The following GOLGA4 variants were observed in gnomAD, a reference collection of about 807,000 sequenced individuals.
The protein encoded by GOLGA4 is golgin A4.
GOLGA4 carries 169 observed loss-of-function variants against 265.9 expected under a neutral mutation model. The ratio of observed to expected loss-of-function variants is 0.64; its 90% CI spans 0.56 to 0.72. The LOEUF is 0.72. Among genes scored for constraint, GOLGA4 ranks in the 30% least tolerant of loss-of-function variants. GOLGA4 has a pLI of 0.00. For missense variants in GOLGA4, 2,482 were observed against 2,483.4 expected (o/e 1.00, Z 0.01); for synonymous variants, 923 against 855.8 (o/e 1.08, Z -1.37).
At chr3:37,360,088 A>G (rs1449861166) in intron 22 of GOLGA4, among the ~76,000 whole-genome samples, 1 of 152,146 alleles carries the variant, frequency 6.6e-6, no homozygotes, top group Non-Finnish European at 1.5e-5. Flanking sequence ...GAATATCTCC[A>G]TGTTTTCTAA....
At chr3:37,290,083 A>G (rs1037035290) in intron 5 of GOLGA4, among the ~76,000 whole-genome samples, 1 of 152,236 alleles carries the variant, frequency 6.6e-6, no homozygotes, top group African/African-American at 2.4e-5. Context: ...TGTTTTAGGT[A>G]TTCTAACTGT....
At chr3:37,310,777 T>G (rs2096921049) in intron 10 of GOLGA4, among the ~76,000 whole-genome samples, 1 of 152,052 alleles carries the variant, frequency 6.6e-6, no homozygotes, top group African/African-American at 2.4e-5. Flanking sequence ...ACATTGAATT[T>G]TGCTTTGGAA....
chr3:37,276,639 G>C, intron 2 of GOLGA4: 1 of 1,517,012 alleles, frequency 6.6e-7, no homozygotes, highest in East Asian at 2.3e-5. Context: ...TTAAGAAAAC[G>C]GATTTTGTAA....
intron 17 of GOLGA4, among the ~76,000 whole-genome samples, chr3:37,335,801 A>G (rs954780894): frequency 6.7e-6 from 1 of 148,628 alleles, no homozygotes; most frequent in East Asian, 2.0e-4. Flanking sequence ...AATTGACACT[A>G]TGAAAGGTAG....
chr3:37,313,061 G>T (rs1247409236), intron 10 of GOLGA4, among the ~76,000 whole-genome samples: 2 of 152,052 alleles, frequency 1.3e-5, no homozygotes, highest in East Asian at 3.9e-4. Flanking sequence ...AAATTAGCCC[G>T]GTCTGGTGGC....
chr3:37,354,262 T>TC (rs1250156606), intron 21 of GOLGA4, among the ~76,000 whole-genome samples: 1 of 151,972 alleles, frequency 6.6e-6, no homozygotes, highest in Non-Finnish European at 1.5e-5. Flanking sequence ...AATGTTAGAG[T>TC]CAGTTTTCTG....
At chr3:37,329,247 A>G in intron 16 of GOLGA4, 154 bp downstream of exon 16, 1 of 525,370 alleles carries the variant, frequency 1.9e-6, no homozygotes. Flanking sequence ...TTATATGCAG[A>G]TTTATAAAGT....
At chr3:37,348,403 C>CT (rs540088481) in intron 21 of GOLGA4, among the ~76,000 whole-genome samples, 31 of 151,170 alleles carry the variant, frequency 2.1e-4, no homozygotes, top group Non-Finnish European at 3.5e-4. Flanking sequence ...AATTCAGTGT[C>CT]TTTTTTTTTC....
chr3:37,362,235 TTATTA>T (rs1363671861), intron 23 of GOLGA4, among the ~76,000 whole-genome samples: 69 of 126,576 alleles, frequency 5.5e-4, no homozygotes, highest in African/African-American at 2.4e-3. Context: ...ATTTATTTAT[TTATTA>T]TTTTTTTTTT....
At position 37,327,088 on chromosome 3, in the gene GOLGA4, T is replaced by C. The variant is rs777208916; in HGVS notation, c.5202T>C (p.Tyr1734=). 6.2e-6 allele frequency: 10 copies of C among 1,613,368 alleles called. No individual in the cohort carries two copies. The highest frequency in any genetic ancestry group is 2.2e-5 in the South Asian group (2 of 91,032). The stretch of plus-strand genomic sequence containing the variant: ...CCCAAGGCTGTGTGCAGAAGACATA[T>C]GAAGAAAAAATCAGTGTTTTACAAA... ...ADSQGCVQKT[Y]EEKISVLQRN... The change falls in exon 14 of 24, where the codon TAT becomes TAC. Residue 1734 remains tyrosine (Y), a synonymous_variant. Transcript: ENST00000361924.
chr3:37,303,271 AGAAAT>A (rs1315905347), intron 10 of GOLGA4, among the ~76,000 whole-genome samples: 3 of 152,264 alleles, frequency 2.0e-5, no homozygotes, highest in East Asian at 1.9e-4. Flanking sequence ...TATGTAGAAA[AGAAAT>A]GAAATAGGAA....
chr3:37,328,233 G>GACACACACACACACACAC, intron 14 of GOLGA4, among the ~76,000 whole-genome samples, 183 bp from the exon 15 acceptor site: 1 of 138,536 alleles, frequency 7.2e-6, no homozygotes, highest in Admixed American at 7.3e-5. Context: ...TATGTACCTG[G>GACACACACACACACACAC]ACACACACAC....
At chr3:37,270,061 CTT>C (rs1315498940) in intron 2 of GOLGA4, among the ~76,000 whole-genome samples, 1 of 150,724 alleles carries the variant, frequency 6.6e-6, no homozygotes, top group Non-Finnish European at 1.5e-5. Context: ...GCCTGGCTAA[CTT>C]TTTTATTTTT....
chr3:37,275,319 T>A (rs1366443284), intron 2 of GOLGA4, among the ~76,000 whole-genome samples: 2 of 149,414 alleles, frequency 1.3e-5, no homozygotes, highest in Admixed American at 6.7e-5. Flanking sequence ...TGAGCTTAGA[T>A]CCTCATAACT....
chr3:37,349,437 A>G (rs1422445850), intron 21 of GOLGA4, among the ~76,000 whole-genome samples: 1 of 152,242 alleles, frequency 6.6e-6, no homozygotes, highest in East Asian at 1.9e-4. Context: ...ATAAGCCCAG[A>G]TGGTGGAGGG....
intron 2 of GOLGA4, among the ~76,000 whole-genome samples, chr3:37,269,847 T>G (rs80102357): frequency 0.037 from 5,521 of 151,186 alleles, 240 homozygotes; most frequent in African/African-American, 0.11. Flanking sequence ...GTTCTCTGTG[T>G]GCTTAATGGG....
At chr3:37,246,512 A>G (rs2096720054) in intron 1 of GOLGA4, among the ~76,000 whole-genome samples, 1 of 152,200 alleles carries the variant, frequency 6.6e-6, no homozygotes, top group East Asian at 1.9e-4. Context: ...ATAGAAGTAT[A>G]GATACAAAAG....
At chr3:37,354,636 A>G in intron 21 of GOLGA4, among the ~76,000 whole-genome samples, 1 of 152,078 alleles carries the variant, frequency 6.6e-6, no homozygotes, top group Non-Finnish European at 1.5e-5. Context: ...GTCTTGAAAA[A>G]TACCTACTGA....
Position 37,347,214 on chromosome 3 carries a change from A to T in GOLGA4, c.6494A>T (p.Asp2165Val), listed in dbSNP as rs1316289440. 2.5e-6 allele frequency: 4 copies of T among 1,611,736 alleles called. No individual in the cohort carries two copies. The highest frequency in any genetic ancestry group is 1.3e-5 in the African/African-American group (1 of 74,864). The change falls in exon 21 of 24, where the codon GAT (aspartate) becomes GTT (valine). Residue 2165 changes from aspartate to valine, a missense_variant. Asp to Val is a radical substitution (Grantham distance 152). Around this residue, in one of 3 missense-constraint regions of GOLGA4, gnomAD observed 942 missense variants for 983.1 expected, o/e 0.96. Coordinates refer to ENST00000361924, the MANE Select transcript of GOLGA4 (RefSeq NM_002078.5). ...PYKGGNLYHTDVSLFGEPTEF... is the reference protein window; with the variant it reads ...PYKGGNLYHTVVSLFGEPTEF... ...GCAGGTGGCAATTTGTACCATACGGATGTCTCACTCTTTGGAGAACCTACC... is the reference window on the plus strand; with the variant it reads ...GCAGGTGGCAATTTGTACCATACGGTTGTCTCACTCTTTGGAGAACCTACC...
Sources: allele counts gnomAD v4.1 joint callset (sites outside exome capture counted in the v4.1 genomes callset), GRCh38; gene constraint gnomAD v4.1.1; regional missense constraint gnomAD v4.1.1; transcripts MANE v1.5; gene names NCBI Gene and HGNC (gene_info 2026-07-23, HGNC 2026-07-21).